NLRP2: variants seen among roughly 807,000 people sequenced by gnomAD.
The protein encoded by NLRP2 is NLR family pyrin domain containing 2.
NLRP2 carries 107 observed loss-of-function variants against 97.2 expected under a neutral mutation model. That is an observed-to-expected ratio of 1.10 (90% CI 0.94 to 1.29). NLRP2 has a LOEUF of 1.29. NLRP2 is among the 50% of genes most tolerant of loss of function. The pLI is 0.00. For missense variants in NLRP2, 1,495 were observed against 1,330.3 expected, an observed-to-expected ratio of 1.12 and a Z score of -1.93; for synonymous variants, 663 against 551.5, an observed-to-expected ratio of 1.20 and a Z score of -2.83.
At chr19:54,967,412 G>GA (rs1002773728) in intron 1 of NLRP2, among the ~76,000 whole-genome samples, 1 of 152,024 alleles carries the variant, frequency 6.6e-6, no homozygotes, top group Non-Finnish European at 1.5e-5. Flanking sequence ...AACCCGGGAA[G>GA]CGGAGGTTGC....
At chr19:54,974,458 T>G in intron 2 of NLRP2, 42 bp from the exon 3 acceptor site, 1 of 1,511,478 alleles carries the variant, frequency 6.6e-7, no homozygotes, top group South Asian at 1.1e-5. Flanking sequence ...AATCTTGAGC[T>G]TATGGTAAAA....
chr19:54,970,698 C>A (rs2070788026), intron 2 of NLRP2, among the ~76,000 whole-genome samples: 1 of 147,646 alleles, frequency 6.8e-6, no homozygotes, highest in Non-Finnish European at 1.5e-5. Context: ...AGAGGGACTG[C>A]TTGTTCTGAA....
rs2071732697 is a variant in NLRP2 at position 54,983,071 on chromosome 19, T to C, written c.1373T>C (p.Leu458Pro). ...RTLSLLAAQG[L>P]WAQTSVLHRE... Reference sequence around the variant, plus strand: ...CTGAGCCTCCTGGCCGCGCAGGGCCTGTGGGCGCAGACGTCCGTGCTTCAC... The same window carrying C: ...CTGAGCCTCCTGGCCGCGCAGGGCCCGTGGGCGCAGACGTCCGTGCTTCAC... Residue 458 changes from leucine (L) to proline (P), a missense_variant, in exon 6 of 13, where the codon CTG becomes CCG. By Grantham distance (98) the Leu-to-Pro change is moderately conservative. Transcript: ENST00000448584. The C allele has an allele frequency of 1.9e-6, 3 of 1,612,462 alleles. No homozygotes were observed. Among genetic ancestry groups the C allele is most frequent in the Non-Finnish European group, 2.5e-6 (3 of 1,179,694 alleles).
Position 54,982,463 on chromosome 19 carries a change from G to C in NLRP2, c.765G>C (p.Pro255=), listed in dbSNP as rs151132029. The change falls in exon 6 of 13, where the codon CCG becomes CCC. Residue 255 remains proline (P), a synonymous_variant. Coordinates refer to ENST00000448584, the MANE Select transcript of NLRP2 (RefSeq NM_017852.5). ...LSCRELSRLG[P]CSFAELVFRD... is the part of the protein sequence containing the mutation. ...GCAGGGAGCTCAGCCGCCTGGGCCC[G>C]TGCAGTTTTGCAGAGCTGGTCTTCA... 1.5e-5 allele frequency: 25 copies of C among 1,614,054 alleles called. No homozygotes were observed. The highest frequency in any genetic ancestry group is 2.0e-5 in the Non-Finnish European group (24 of 1,180,046).
intron 12 of NLRP2, among the ~76,000 whole-genome samples, chr19:54,999,773 AT>A (rs1402895013): frequency 6.6e-6 from 1 of 151,810 alleles, no homozygotes; most frequent in Non-Finnish European, 1.5e-5. Context: ...ATCTCACTCT[AT>A]TGCTCAGGCT....
chr19:54,996,677 C>A (rs1464015396), intron 11 of NLRP2, among the ~76,000 whole-genome samples: 1 of 152,092 alleles, frequency 6.6e-6, no homozygotes, highest in Non-Finnish European at 1.5e-5. Context: ...CTCATGCCCG[C>A]TGCCTGGATG....
Position 54,980,713 on chromosome 19 carries a change from G to A in NLRP2, c.398-904G>A, listed in dbSNP as rs559262080. Among the ~76,000 whole-genome samples, 8 of 152,296 alleles carry A rather than the reference G, an allele frequency of 5.3e-5. No homozygotes were observed. In the South Asian group the frequency reaches 1.7e-3, roughly 32 times the overall value. On this transcript the variant is annotated intron_variant, in intron 4 of 12. Coordinates refer to ENST00000448584, the MANE Select transcript of NLRP2 (RefSeq NM_017852.5). ...CTTGCGGTCTTCTTTCAGCAGAAGTGTTTGATAAACTGAGGCGTTTCATGG... is the reference window on the plus strand; with the variant it reads ...CTTGCGGTCTTCTTTCAGCAGAAGTATTTGATAAACTGAGGCGTTTCATGG...
At chr19:54,968,076 C>T (rs2070590572) in intron 1 of NLRP2, among the ~76,000 whole-genome samples, 1 of 151,858 alleles carries the variant, frequency 6.6e-6, no homozygotes, top group Admixed American at 6.6e-5. Flanking sequence ...CTGTCACCAA[C>T]CTGGCTAATT....
intron 1 of NLRP2, among the ~76,000 whole-genome samples, chr19:54,968,832 G>C (rs891352603): frequency 6.6e-6 from 1 of 151,392 alleles, no homozygotes; most frequent in Non-Finnish European, 1.5e-5. Flanking sequence ...CTCCCAAGTA[G>C]CTGGAACTAC....
chr19:54,974,628 C>G (rs1053887578), intron 3 of NLRP2, 84 bp downstream of exon 3: 18 of 995,646 alleles, frequency 1.8e-5, no homozygotes, highest in Non-Finnish European at 2.7e-5. Context: ...GTGCTGAGCA[C>G]TAAGAATGCA....
At position 54,986,249 on chromosome 19, in the gene NLRP2, A is replaced by C; in HGVS notation, c.2300A>C (p.Gln767Pro). 6.2e-7 allele frequency: 1 copy of C among 1,614,066 alleles called. No individual in the cohort carries two copies. The highest frequency in any genetic ancestry group is 8.5e-7 in the Non-Finnish European group (1 of 1,179,936). The change falls in exon 8 of 13, where the codon CAG becomes CCG. Residue 767 changes from glutamine (Q) to proline (P), a missense_variant. Coordinates refer to ENST00000448584, the MANE Select transcript of NLRP2 (RefSeq NM_017852.5). ...TATCTGACCCTTCAAGGCAATGACC[A>C]GGATGATATGTTTCCCGCATTGTGT... The part of the protein sequence containing the change: ...VTYLTLQGND[Q>P]DDMFPALCEV...
In NLRP2 at chr19:54,999,937, A is replaced by G. The variant is rs554885249; in HGVS notation, c.3051-823A>G. 1.5e-4 allele frequency among the ~76,000 whole-genome samples: 23 copies of G among 152,140 alleles called. No homozygotes were observed. In the South Asian group the frequency reaches 4.8e-3, roughly 32 times the overall value. On this transcript the variant is annotated intron_variant, in intron 12 of 12. Coordinates refer to ENST00000448584, the MANE Select transcript of NLRP2 (RefSeq NM_017852.5). ...TTTTTAGTAGAGATGGACTTTCACCATCTTGCCTAGGCTGGTCTCAAACTC... is the reference window on the plus strand; with the variant it reads ...TTTTTAGTAGAGATGGACTTTCACCGTCTTGCCTAGGCTGGTCTCAAACTC...
chr19:54,966,848 T>TAA, intron 1 of NLRP2, among the ~76,000 whole-genome samples: 1 of 135,078 alleles, frequency 7.4e-6, no homozygotes, highest in Non-Finnish European at 1.6e-5. Context: ...TTTTTTTTTT[T>TAA]TTTCTTCTCT....
chr19:54,966,796 G>C (rs984699218), intron 1 of NLRP2, among the ~76,000 whole-genome samples: 7 of 146,870 alleles, frequency 4.8e-5, no homozygotes, highest in Admixed American at 6.9e-5. Context: ...AAGGTGCCGG[G>C]ATTACAGGCG....
At position 54,996,692 on chromosome 19, in the gene NLRP2, A is replaced by C. The variant is rs73609940; in HGVS notation, c.2880-625A>C. 8.9e-3 allele frequency among the ~76,000 whole-genome samples: 1,343 copies of C among 151,556 alleles called. 14 individuals are homozygous for C. The highest frequency in any genetic ancestry group is 0.031 in the African/African-American group (1,278 of 41,190). On this transcript the variant is annotated intron_variant, in intron 11 of 12. Coordinates refer to ENST00000448584, the MANE Select transcript of NLRP2 (RefSeq NM_017852.5). ...CTCATGCCCGCTGCCTGGATGTTCTATTTTACGTGTCAGTCACATGTATCT... is the reference window on the plus strand; with the variant it reads ...CTCATGCCCGCTGCCTGGATGTTCTCTTTTACGTGTCAGTCACATGTATCT...
At chr19:54,970,648 T>A (rs1305830815) in intron 2 of NLRP2, among the ~76,000 whole-genome samples, 1 of 151,074 alleles carries the variant, frequency 6.6e-6, no homozygotes, top group East Asian at 1.9e-4. Context: ...AAGAGCAAAA[T>A]TCTGTCTCAA....
At chr19:54,995,722 A>C (rs1040540017) in intron 11 of NLRP2, among the ~76,000 whole-genome samples, 4 of 152,140 alleles carry the variant, frequency 2.6e-5, no homozygotes, top group African/African-American at 9.7e-5. Context: ...TGAACCTGGA[A>C]TCCTATCTGG....
rs766338756 is a variant in NLRP2, at chr19:54,986,183, G to A, written c.2234G>A (p.Arg745Gln). The A allele has an allele frequency of 2.7e-5, 44 of 1,613,480 alleles. No homozygotes were observed. Among genetic ancestry groups the A allele is most frequent in the Admixed American group, 2.3e-4 (14 of 59,962 alleles). ...AACATTTCCCCAGCTGATGCTCATC[G>A]GAACCTCTGCCTAGCTCTTCGAGGT... ...FKNISPADAH[R>Q]NLCLALRGHK... Residue 745 changes from arginine to glutamine, a missense_variant, in exon 8 of 13, where the codon CGG becomes CAG. Arg to Gln is a conservative substitution (Grantham distance 43, BLOSUM62 1). Coordinates refer to ENST00000448584, the MANE Select transcript of NLRP2 (RefSeq NM_017852.5).
At chr19:54,991,398 C>T (rs141480994) in intron 10 of NLRP2, 223 of 152,200 alleles carry the variant, frequency 1.5e-3, no homozygotes, top group African/African-American at 5.1e-3. Context: ...ACTAAAAATA[C>T]AAAAATTAGT....
Sources: allele counts gnomAD v4.1 joint callset (sites outside exome capture counted in the v4.1 genomes callset), GRCh38; gene constraint gnomAD v4.1.1; transcripts MANE v1.5; gene names NCBI Gene and HGNC (gene_info 2026-07-23, HGNC 2026-07-21).